Variants in ZNF438 observed in about 807,000 individuals in gnomAD.
ZNF438 encodes zinc finger protein 438.
Under a neutral mutation model 38.0 loss-of-function variants are expected in ZNF438, and 25 were observed. The observed-to-expected ratio is 0.66, with a 90% CI of 0.48 to 0.92. The LOEUF (loss-of-function observed/expected upper bound fraction) is 0.92. ZNF438 is among the 40% of genes least tolerant of loss of function. The probability of loss-of-function intolerance (pLI) is 0.00; values close to 1 mark genes in which losing one functional copy is unlikely to be tolerated. For missense variants in ZNF438, 1,007 were observed against 999.6 expected (o/e 1.01, Z -0.10); for synonymous variants, 372 against 364.1 (o/e 1.02, Z -0.25).
exon 5 of ZNF438, chr10:30,849,224 A>G: frequency 1.9e-6 from 3 of 1,614,082 alleles, no homozygotes; most frequent in Non-Finnish European, 2.5e-6. Context: ...CTGAAATGCC[A>G]AAATTTCATC....
chr10:30,895,777 A>T (rs11817570), intron 3 of ZNF438, among the ~76,000 whole-genome samples: 4,942 of 152,276 alleles, frequency 0.032, 257 homozygotes, highest in African/African-American at 0.11. Flanking sequence ...GAAAAATGCA[A>T]ATCAAAACCA....
chr10:30,986,208 A>G (rs919453210), intron 1 of ZNF438, among the ~76,000 whole-genome samples: 6 of 152,230 alleles, frequency 3.9e-5, no homozygotes, highest in African/African-American at 1.4e-4. Context: ...TAAGCAATGT[A>G]TGGCTGTTCA....
intron 2 of ZNF438, among the ~76,000 whole-genome samples, chr10:30,921,551 G>A (rs1453207736): frequency 1.3e-5 from 2 of 152,112 alleles, no homozygotes; most frequent in Non-Finnish European, 2.9e-5. Flanking sequence ...CTGAGGTCCA[G>A]CAACTTTACC....
intron 1 of ZNF438, among the ~76,000 whole-genome samples, chr10:30,957,342 T>C (rs920734735): frequency 2.0e-5 from 3 of 152,320 alleles, no homozygotes; most frequent in East Asian, 3.9e-4. Context: ...ATTCTACAGA[T>C]TGTCTCTTCA....
At chr10:31,024,561 G>T (rs925066858) in intron 1 of ZNF438, among the ~76,000 whole-genome samples, 17 of 152,098 alleles carry the variant, frequency 1.1e-4, no homozygotes, top group African/African-American at 3.9e-4. Context: ...CCGGGAGGCG[G>T]AGCTTGCAGT....
intron 3 of ZNF438, among the ~76,000 whole-genome samples, chr10:30,881,420 G>A (rs1377124983): frequency 2.0e-5 from 3 of 151,958 alleles, no homozygotes; most frequent in Non-Finnish European, 4.4e-5. Flanking sequence ...GGATAAGCCT[G>A]GCAAAGTATG....
intron 2 of ZNF438, among the ~76,000 whole-genome samples, chr10:30,927,763 A>G (rs2045131327): frequency 1.3e-5 from 2 of 152,226 alleles, no homozygotes. Flanking sequence ...TAATTGTGTG[A>G]TCCTGGATAA....
exon 6 of ZNF438, chr10:30,845,281 A>G: frequency 2.5e-6 from 4 of 1,614,048 alleles, no homozygotes; most frequent in Non-Finnish European, 3.4e-6. Context: ...AGTCTTGGAC[A>G]TGCATGTGAT....
chr10:30,890,657 C>G (rs546722384), intron 3 of ZNF438, among the ~76,000 whole-genome samples: 1 of 152,320 alleles, frequency 6.6e-6, no homozygotes, highest in East Asian at 1.9e-4. Flanking sequence ...CTAGAATAAT[C>G]TTTCCATTTT....
chr10:30,892,307 A>C (rs1159225066), intron 3 of ZNF438, among the ~76,000 whole-genome samples: 1 of 151,496 alleles, frequency 6.6e-6, no homozygotes, highest in Non-Finnish European at 1.5e-5. Context: ...GAAGAAATTA[A>C]CAATAACTAA....
chr10:30,952,296 C>A (rs1257818227), intron 1 of ZNF438, among the ~76,000 whole-genome samples: 1 of 149,124 alleles, frequency 6.7e-6, no homozygotes, highest in Non-Finnish European at 1.5e-5. Flanking sequence ...ACCATAAAAA[C>A]CCTAGAAGAA....
intron 1 of ZNF438, among the ~76,000 whole-genome samples, chr10:30,966,451 A>G (rs950933638): frequency 6.6e-6 from 1 of 152,092 alleles, no homozygotes; most frequent in Non-Finnish European, 1.5e-5. Flanking sequence ...CGGGTGGATC[A>G]TGAGATCAGG....
chr10:30,885,700 A>G (rs2039868221), intron 3 of ZNF438, among the ~76,000 whole-genome samples: 1 of 152,080 alleles, frequency 6.6e-6, no homozygotes, highest in African/African-American at 2.4e-5. Flanking sequence ...TCCCTTTCCC[A>G]TGCATACATG....
At chr10:30,947,162 G>A (rs1385321070) in intron 1 of ZNF438, among the ~76,000 whole-genome samples, 1 of 152,196 alleles carries the variant, frequency 6.6e-6, no homozygotes, top group East Asian at 1.9e-4. Flanking sequence ...TGTGATTACA[G>A]CTGTCTTTTA....
chr10:30,906,082 T>C (rs942423286), intron 3 of ZNF438, among the ~76,000 whole-genome samples: 2 of 152,216 alleles, frequency 1.3e-5, no homozygotes, highest in African/African-American at 4.8e-5. Context: ...AGGGTCAGCT[T>C]GTCAATTTCT....
intron 1 of ZNF438, among the ~76,000 whole-genome samples, chr10:31,010,779 C>G (rs959858043): frequency 2.0e-5 from 3 of 149,620 alleles, no homozygotes; most frequent in Non-Finnish European, 4.4e-5. Flanking sequence ...GTTCTAGGTA[C>G]TTTCTTGCAT....
intron 1 of ZNF438, among the ~76,000 whole-genome samples, chr10:30,987,877 A>T (rs1230796686): frequency 1.3e-5 from 2 of 152,190 alleles, no homozygotes; most frequent in Non-Finnish European, 2.9e-5. Context: ...CCAGTATGTC[A>T]TATTTTGAGA....
intron 1 of ZNF438, among the ~76,000 whole-genome samples, chr10:31,017,140 T>C (rs1288852862): frequency 1.3e-5 from 2 of 152,164 alleles, no homozygotes; most frequent in East Asian, 3.8e-4. Flanking sequence ...AATAAAAGAA[T>C]AGCAAACACA....
chr10:30,966,863 A>G (rs1429524230), intron 1 of ZNF438, among the ~76,000 whole-genome samples: 3 of 152,110 alleles, frequency 2.0e-5, no homozygotes, highest in South Asian at 2.1e-4. Context: ...AGGTACACTA[A>G]AAATATTTTA....
Sources: gnomAD v4.1 joint callset for allele counts (sites outside exome capture counted in the v4.1 genomes callset) on GRCh38, gnomAD v4.1.1 for gene constraint, MANE v1.5 for transcripts, NCBI Gene and HGNC (gene_info 2026-07-23, HGNC 2026-07-21) for gene names.